PDE7A: variants seen among roughly 807,000 people sequenced by gnomAD.
The protein encoded by PDE7A is phosphodiesterase 7A, also known as high affinity 3',5'-cyclic-AMP phosphodiesterase 7A.
A neutral mutation model predicts 64.3 loss-of-function variants in PDE7A; 39 were observed. The observed-to-expected ratio is 0.61, with a 90% CI of 0.47 to 0.79. The LOEUF is 0.79. PDE7A is among the 30% of genes least tolerant of loss of function. The probability of loss-of-function intolerance (pLI) is 0.00; values close to 1 mark genes in which losing one functional copy is unlikely to be tolerated. For synonymous variants in PDE7A, 203 were observed against 206.8 expected (o/e 0.98, Z 0.16); for missense variants, 470 against 582.8 (o/e 0.81, Z 1.99).
chr8:65,749,644 C>T (rs1056222317), intron 3 of PDE7A, among the ~76,000 whole-genome samples: 1 of 152,168 alleles, frequency 6.6e-6, no homozygotes, highest in Non-Finnish European at 1.5e-5. Context: ...TCTCATTTAG[C>T]CATCAACAGC....
In PDE7A at chr8:65,770,160, T is replaced by C. The variant is rs1043847505; in HGVS notation, c.283+9560A>G. ...GTGTGTGTGTGTGTGTGTGTGTGTG[T>C]GTGCCACACCTAATTCTTTTTTCTG... On this transcript the variant is annotated intron_variant, in intron 3 of 12. Transcript: ENST00000401827. 2.4e-3 allele frequency among the ~76,000 whole-genome samples: 329 copies of C among 138,444 alleles called. 1 individual carries two copies. The highest frequency in any genetic ancestry group is 8.4e-3 in the African/African-American group (306 of 36,348). The allele number at this position is 138,444 out of a possible 152,430, so 90.8% of individuals were successfully genotyped here.
At chr8:65,761,300 G>A (rs1029755834) in intron 3 of PDE7A, among the ~76,000 whole-genome samples, 7 of 151,978 alleles carry the variant, frequency 4.6e-5, no homozygotes, top group African/African-American at 1.5e-4. Flanking sequence ...TCCTGACCTC[G>A]TGATCCACCT....
chr8:65,832,258 T>C (rs1810844903), intron 1 of PDE7A, among the ~76,000 whole-genome samples: 1 of 152,120 alleles, frequency 6.6e-6, no homozygotes, highest in African/African-American at 2.4e-5. Context: ...TTTCAAGGCA[T>C]TTAAGTGCTA....
chr8:65,768,799 T>C (rs1808927143), intron 3 of PDE7A, among the ~76,000 whole-genome samples: 1 of 152,188 alleles, frequency 6.6e-6, no homozygotes, highest in Non-Finnish European at 1.5e-5. Flanking sequence ...TATGTAAATA[T>C]GTATGATAAA....
At chr8:65,817,768 T>C (rs1027579840) in intron 1 of PDE7A, among the ~76,000 whole-genome samples, 23 of 151,544 alleles carry the variant, frequency 1.5e-4, no homozygotes, top group Non-Finnish European at 2.8e-4. Context: ...TTTTTTTTTT[T>C]TCGAGATGGA....
intron 3 of PDE7A, among the ~76,000 whole-genome samples, chr8:65,766,882 G>A (rs1298539317): frequency 1.3e-5 from 2 of 152,152 alleles, no homozygotes; most frequent in Non-Finnish European, 2.9e-5. Flanking sequence ...CAGGTCTGAG[G>A]ATTAGGAATC....
chr8:65,734,068 A>T (rs1807021828), intron 7 of PDE7A, among the ~76,000 whole-genome samples: 1 of 152,104 alleles, frequency 6.6e-6, no homozygotes, highest in South Asian at 2.1e-4. Context: ...CTTTTATGTA[A>T]CTCTATACTA....
intron 1 of PDE7A, among the ~76,000 whole-genome samples, chr8:65,839,225 A>T (rs370691889): frequency 1.9e-4 from 28 of 146,728 alleles, no homozygotes; most frequent in Non-Finnish European, 2.7e-4. Context: ...CTTTTTTTTA[A>T]AAAAAAAAGG....
At chr8:65,837,883 C>T (rs1214424613) in intron 1 of PDE7A, among the ~76,000 whole-genome samples, 1 of 152,188 alleles carries the variant, frequency 6.6e-6, no homozygotes, top group Non-Finnish European at 1.5e-5. Context: ...TCCGTGTCGG[C>T]ACTCAGAAAG....
chr8:65,734,166 G>C (rs1807026531), intron 7 of PDE7A, among the ~76,000 whole-genome samples: 1 of 152,146 alleles, frequency 6.6e-6, no homozygotes, highest in Non-Finnish European at 1.5e-5. Flanking sequence ...CCCAAAACTT[G>C]TTCTGCTCTA....
Position 65,723,579 on chromosome 8 carries a change from C to T in PDE7A, c.1205G>A (p.Cys402Tyr). 6.3e-7 allele frequency: 1 copy of T among 1,583,480 alleles called. No homozygotes were observed. The highest frequency in any genetic ancestry group is 8.6e-7 in the Non-Finnish European group (1 of 1,166,576). Residue 402 changes from cysteine (C) to tyrosine (Y), a missense_variant, in exon 12 of 13, where the codon TGC (cysteine) becomes TAC (tyrosine). Physicochemically the swap from Cys to Tyr is radical, Grantham distance 194. Transcript: ENST00000401827. The stretch of plus-strand genomic sequence containing the variant: ...GGCAATAGATTCAGTGTGACGATCG[C>T]AAAGTGGACTCACACCCAAATGATA... The part of the protein sequence containing the change: ...KKYHLGVSPL[C>Y]DRHTESIANI...
intron 3 of PDE7A, among the ~76,000 whole-genome samples, chr8:65,757,002 TC>T (rs2128911852): frequency 6.6e-6 from 1 of 152,278 alleles, no homozygotes; most frequent in East Asian, 1.9e-4. Flanking sequence ...TTCCATGCCC[TC>T]CGTAGGTGCA....
intron 1 of PDE7A, among the ~76,000 whole-genome samples, chr8:65,839,223 TAA>T (rs1554572851): frequency 0.062 from 9,343 of 149,694 alleles, 354 homozygotes; most frequent in Middle Eastern, 0.099. Flanking sequence ...GTCTTTTTTT[TAA>T]AAAAAAAAGG....
In PDE7A at chr8:65,716,830, G is replaced by A. The variant is rs1020494566; in HGVS notation, c.*2460C>T. 1.3e-5 allele frequency among the ~76,000 whole-genome samples: 2 copies of A among 152,078 alleles called. No individual in the cohort carries two copies. Among genetic ancestry groups the A allele is most frequent in the African/African-American group, 4.8e-5 (2 of 41,396 alleles). Reference sequence around the variant, plus strand: ...AGACTTTCTGTACACATTAAATATAGGCCAAGGTATGGCCATCTCACGAGA... The same window carrying A: ...AGACTTTCTGTACACATTAAATATAAGCCAAGGTATGGCCATCTCACGAGA... On this transcript the variant is annotated 3_prime_UTR_variant, in exon 13 of 13. Coordinates refer to ENST00000401827, the MANE Select transcript of PDE7A (RefSeq NM_001242318.3).
intron 3 of PDE7A, among the ~76,000 whole-genome samples, chr8:65,778,138 A>G (rs1039629547): frequency 6.6e-6 from 1 of 152,178 alleles, no homozygotes; most frequent in Non-Finnish European, 1.5e-5. Context: ...TCTTCCCTCC[A>G]TGACCCTGAG....
intron 11 of PDE7A, 113 bp downstream of exon 11, chr8:65,724,142 A>C (rs1237734151): frequency 6.4e-6 from 4 of 626,896 alleles, no homozygotes; most frequent in African/African-American, 1.8e-5. Context: ...TTGTTACTAA[A>C]AATGTCAAGA....
At chr8:65,793,254 A>T (rs1420530595) in intron 1 of PDE7A, among the ~76,000 whole-genome samples, 1 of 152,178 alleles carries the variant, frequency 6.6e-6, no homozygotes, top group East Asian at 1.9e-4. Flanking sequence ...ACTCTTCATT[A>T]GATCTTGTCT....
At chr8:65,747,529 A>G (rs1807729345) in intron 4 of PDE7A, 123 bp downstream of exon 4, 1 of 541,930 alleles carries the variant, frequency 1.8e-6, no homozygotes, top group African/African-American at 2.0e-5. Flanking sequence ...AAACCTGGAA[A>G]ATAGGCTCAA....
chr8:65,775,585 T>C (rs1809236429), intron 3 of PDE7A, among the ~76,000 whole-genome samples: 1 of 152,224 alleles, frequency 6.6e-6, no homozygotes, highest in Non-Finnish European at 1.5e-5. Context: ...GCTATTAATT[T>C]CTAGTATCAG....
Sources: gnomAD v4.1 joint callset for allele counts (sites outside exome capture counted in the v4.1 genomes callset) on GRCh38, gnomAD v4.1.1 for gene constraint, MANE v1.5 for transcripts, NCBI Gene and HGNC (gene_info 2026-07-23, HGNC 2026-07-21) for gene names.